PCDH15: variants seen among roughly 807,000 people sequenced by gnomAD.
PCDH15 encodes the protein protocadherin-15.
In PCDH15, 129 loss-of-function variants were observed where a neutral mutation model predicts 178.5. The ratio of observed to expected loss-of-function variants is 0.72; its 90% CI spans 0.63 to 0.84. PCDH15 has a LOEUF of 0.84. PCDH15 is among the 40% of genes least tolerant of loss of function. The pLI is 0.00. For missense variants in PCDH15, 2,230 were observed against 2,099.9 expected (o/e 1.06, Z -1.21); for synonymous variants, 800 against 732.0 (o/e 1.09, Z -1.50).
chr10:54,954,630 G>A (rs1347556690), intron 2 of PCDH15, among the ~76,000 whole-genome samples: 2 of 151,198 alleles, frequency 1.3e-5, no homozygotes, highest in East Asian at 3.9e-4. Context: ...GTTTTGCCCT[G>A]AAATCCTCCA....
In PCDH15 at chr10:55,072,928, G is replaced by C. The variant is rs942430901; in HGVS notation, c.-80+93648C>G. Among the ~76,000 whole-genome samples, 113 of 150,754 alleles carry C rather than the reference G, an allele frequency of 7.5e-4. 3 individuals are homozygous for C. The East Asian group carries it at 0.021, about 28-fold the overall frequency. On this transcript the variant is annotated intron_variant, in intron 2 of 5. Transcript: ENST00000458638. ...ATCAAGTGGGCTTCATCCTTGGGATGCAAGGCTGGTTCAATATACGCAAAT... is the reference window on the plus strand; with the variant it reads ...ATCAAGTGGGCTTCATCCTTGGGATCCAAGGCTGGTTCAATATACGCAAAT...
At position 54,205,076 on chromosome 10, in the gene PCDH15, C is replaced by T. The variant is rs117117366; in HGVS notation, c.1098+8860G>A. 1.1e-4 allele frequency among the ~76,000 whole-genome samples: 16 copies of T among 152,152 alleles called. No individual in the cohort carries two copies. The East Asian group carries it at 1.9e-3, about 18-fold the overall frequency. On this transcript the variant is annotated intron_variant, in intron 10 of 37. Coordinates refer to ENST00000644397, the MANE Select transcript of PCDH15 (RefSeq NM_001384140.1). The stretch of plus-strand genomic sequence containing the variant: ...TGACTTGCTCTCAAAATTTAGCATC[C>T]GAAAATCACATGTAAATCTTGATTC...
At chr10:54,826,607 T>C (rs534680783) in intron 3 of PCDH15, among the ~76,000 whole-genome samples, 2 of 152,036 alleles carry the variant, frequency 1.3e-5, no homozygotes, top group East Asian at 3.9e-4. Context: ...ATTCGACTTA[T>C]AATTAAAAGC....
chr10:53,978,803 T>C (rs1019318120), intron 21 of PCDH15, among the ~76,000 whole-genome samples: 2 of 152,088 alleles, frequency 1.3e-5, no homozygotes, highest in Non-Finnish European at 2.9e-5. Flanking sequence ...GTTCCACAGA[T>C]ATCTAGAGCA....
intron 2 of PCDH15, among the ~76,000 whole-genome samples, chr10:54,946,875 AT>A (rs1165724325): frequency 1.3e-5 from 2 of 151,876 alleles, no homozygotes; most frequent in African/African-American, 4.8e-5. Context: ...AGATAATTCA[AT>A]TCACAAAACA....
chr10:55,172,775 G>A (rs1480312209), intron 1 of PCDH15, among the ~76,000 whole-genome samples: 3 of 151,628 alleles, frequency 2.0e-5, no homozygotes, highest in Admixed American at 6.6e-5. Context: ...GGAGAGATGG[G>A]GCCTATGTAT....
At chr10:54,171,303 C>T (rs1265672728) in intron 13 of PCDH15, among the ~76,000 whole-genome samples, 2 of 152,196 alleles carry the variant, frequency 1.3e-5, no homozygotes, top group African/African-American at 2.4e-5. Context: ...CCTCACCAAG[C>T]TCAGCCACCA....
intron 2 of PCDH15, among the ~76,000 whole-genome samples, chr10:55,143,817 A>G (rs1936457): frequency 0.52 from 79,253 of 151,736 alleles, 21,200 homozygotes; most frequent in South Asian, 0.65. Flanking sequence ...AGTTCTACCT[A>G]GTGGGTACTA....
intron 3 of PCDH15, among the ~76,000 whole-genome samples, chr10:54,450,067 G>A (rs552602964): frequency 1.1e-4 from 17 of 150,246 alleles, no homozygotes; most frequent in Middle Eastern, 7.0e-3. Flanking sequence ...AGAACCTCTC[G>A]GGAAAACCAT....
chr10:54,162,917 C>G (rs569039072), intron 13 of PCDH15, among the ~76,000 whole-genome samples: 1 of 152,082 alleles, frequency 6.6e-6, no homozygotes, highest in East Asian at 1.9e-4. Flanking sequence ...CCTAGTATGA[C>G]AGAGTCGATT....
chr10:54,637,629 C>A (rs1565817034), intron 2 of PCDH15, among the ~76,000 whole-genome samples: 1 of 151,980 alleles, frequency 6.6e-6, no homozygotes, highest in African/African-American at 2.4e-5. Context: ...TTGAGCTTTC[C>A]TGTATATTCC....
intron 1 of PCDH15, among the ~76,000 whole-genome samples, chr10:55,310,108 A>G (rs1439954239): frequency 6.6e-6 from 1 of 152,142 alleles, no homozygotes; most frequent in Non-Finnish European, 1.5e-5. Context: ...TTAAACCCAT[A>G]TCAAGCATGT....
intron 2 of PCDH15, among the ~76,000 whole-genome samples, chr10:54,544,907 A>C (rs2085674109): frequency 6.6e-6 from 1 of 152,134 alleles, no homozygotes; most frequent in African/African-American, 2.4e-5. Flanking sequence ...TTATGCCATA[A>C]ATTTTGGTAA....
intron 2 of PCDH15, among the ~76,000 whole-genome samples, chr10:54,625,928 G>A (rs1256938046): frequency 2.0e-5 from 3 of 152,144 alleles, no homozygotes; most frequent in East Asian, 3.9e-4. Context: ...AATGCTGATA[G>A]TGATATGAAC....
At chr10:54,977,975 ATTC>A (rs1370350121) in intron 2 of PCDH15, among the ~76,000 whole-genome samples, 1 of 152,220 alleles carries the variant, frequency 6.6e-6, no homozygotes, top group African/African-American at 2.4e-5. Flanking sequence ...GTACAATTTT[ATTC>A]TTTGGGAAAG....
At chr10:54,672,374 T>C (rs1194353198) in intron 1 of PCDH15, among the ~76,000 whole-genome samples, 1 of 152,142 alleles carries the variant, frequency 6.6e-6, no homozygotes, top group African/African-American at 2.4e-5. Flanking sequence ...TTGCCATAGA[T>C]AGTGGAATCT....
chr10:55,506,255 G>T (rs1173832020), intron 2 of PCDH15: 5 of 151,518 alleles, frequency 3.3e-5, no homozygotes, highest in African/African-American at 1.2e-4. Context: ...GGACACTGGA[G>T]AAGACATAGT....
chr10:54,525,965 T>A (rs529428808), intron 3 of PCDH15, among the ~76,000 whole-genome samples: 5 of 152,352 alleles, frequency 3.3e-5, no homozygotes, highest in South Asian at 2.1e-4. Context: ...TCAGTATTTA[T>A]ACTTCTTGTG....
chr10:55,013,322 T>C (rs538035814), intron 2 of PCDH15, among the ~76,000 whole-genome samples: 25 of 151,818 alleles, frequency 1.6e-4, no homozygotes, highest in African/African-American at 6.0e-4. Flanking sequence ...AAAATGCAAA[T>C]GTGGATATGT....
Sources: allele counts gnomAD v4.1 joint callset (sites outside exome capture counted in the v4.1 genomes callset), GRCh38; gene constraint gnomAD v4.1.1; transcripts MANE v1.5; gene names NCBI Gene and HGNC (gene_info 2026-07-23, HGNC 2026-07-21).